LRRTM4: variants seen among roughly 807,000 people sequenced by gnomAD.
LRRTM4 encodes the protein leucine-rich repeat transmembrane neuronal protein 4.
In LRRTM4, 25 loss-of-function variants were observed where a neutral mutation model predicts 47.6. That is an observed-to-expected ratio of 0.53 (90% confidence interval 0.38 to 0.73). LRRTM4 has a LOEUF of 0.73. Among genes scored for constraint, LRRTM4 ranks in the 30% least tolerant of loss-of-function variants. The pLI, the probability that LRRTM4 is intolerant of heterozygous loss-of-function variation, is 0.00. For synonymous variants in LRRTM4, 311 were observed against 269.5 expected (o/e 1.15, Z -1.51); for missense variants, 638 against 713.4 (o/e 0.89, Z 1.20).
chr2:76,930,100 G>C (rs1222856632), intron 3 of LRRTM4, among the ~76,000 whole-genome samples: 1 of 152,046 alleles, frequency 6.6e-6, no homozygotes, highest in Non-Finnish European at 1.5e-5. Flanking sequence ...CAGGCTCTGT[G>C]TACTAATGGT....
chr2:77,443,021 T>C (rs1310908569), intron 3 of LRRTM4, among the ~76,000 whole-genome samples: 1 of 152,120 alleles, frequency 6.6e-6, no homozygotes, highest in Non-Finnish European at 1.5e-5. Context: ...TTACTAATAA[T>C]ATTATTACAG....
chr2:77,486,223 TA>T (rs1215165239), intron 3 of LRRTM4, among the ~76,000 whole-genome samples: 1 of 152,170 alleles, frequency 6.6e-6, no homozygotes, highest in African/African-American at 2.4e-5. Context: ...CAGAAGTAAA[TA>T]GGGGTGGCAG....
At chr2:77,006,551 G>A (rs1479935345) in intron 3 of LRRTM4, among the ~76,000 whole-genome samples, 1 of 152,134 alleles carries the variant, frequency 6.6e-6, no homozygotes, top group Non-Finnish European at 1.5e-5. Flanking sequence ...AGCATTCTGA[G>A]GTATAGAGGG....
At chr2:77,203,951 G>A (rs867038932) in intron 3 of LRRTM4, among the ~76,000 whole-genome samples, 2 of 152,114 alleles carry the variant, frequency 1.3e-5, no homozygotes, top group Admixed American at 1.3e-4. Context: ...AGAGTAAGTC[G>A]CTATAGCAAT....
intron 3 of LRRTM4, among the ~76,000 whole-genome samples, chr2:76,907,079 C>T (rs1485389845): frequency 8.6e-5 from 13 of 151,766 alleles, no homozygotes; most frequent in Non-Finnish European, 1.6e-4. Flanking sequence ...CCAAAATTAA[C>T]CACATAGTTG....
intron 3 of LRRTM4, among the ~76,000 whole-genome samples, chr2:76,890,718 A>G (rs540538462): frequency 1.3e-5 from 2 of 152,120 alleles, no homozygotes; most frequent in South Asian, 2.1e-4. Flanking sequence ...TCAACAAAAA[A>G]TAACGAACAT....
intron 3 of LRRTM4, among the ~76,000 whole-genome samples, chr2:77,276,318 G>A (rs568644279): frequency 3.0e-5 from 4 of 131,152 alleles, no homozygotes; most frequent in East Asian, 4.9e-4. Flanking sequence ...GAAAGGAAGA[G>A]AAGAAGGAAG....
chr2:76,994,115 G>A (rs1218367066), intron 3 of LRRTM4, among the ~76,000 whole-genome samples: 2 of 151,668 alleles, frequency 1.3e-5, no homozygotes, highest in East Asian at 3.9e-4. Context: ...ACAATTAGAG[G>A]TGGAATGAGG....
Position 76,772,309 on chromosome 2 carries a change from G to A in LRRTM4, c.1552-23393C>T, listed in dbSNP as rs548601289. ...TGAACTTCCCAGGCTCCAGAAATGT[G>A]AGAAATAATTTTTTTTAATTAAAGC... is the stretch of plus-strand genomic sequence containing the variant. On this transcript the variant is annotated intron_variant, in intron 3 of 3. Transcript: ENST00000409884. Among the ~76,000 whole-genome samples the A allele has an allele frequency of 1.8e-4, 27 of 152,226 alleles. No homozygotes were observed. In the East Asian group the frequency reaches 4.8e-3, roughly 27 times the overall value.
intron 3 of LRRTM4, among the ~76,000 whole-genome samples, chr2:77,218,705 A>G (rs1674530104): frequency 6.6e-6 from 1 of 152,132 alleles, no homozygotes; most frequent in African/African-American, 2.4e-5. Context: ...CTCCTAACAT[A>G]GTCTTGAGGT....
In LRRTM4 at chr2:77,084,396, T is replaced by C. The variant is rs533734549; in HGVS notation, c.1552-335480A>G. 4.1e-4 allele frequency among the ~76,000 whole-genome samples: 62 copies of C among 152,322 alleles called. No individual in the cohort carries two copies. In the South Asian group the frequency reaches 0.012, roughly 30 times the overall value. On this transcript the variant is annotated intron_variant, in intron 3 of 3. Transcript: ENST00000409884. ...GAGGACTTTGTGAACAGAGATTTTA[T>C]AGCGGCCTTCAGAATTTTATTTCAG...
intron 3 of LRRTM4, among the ~76,000 whole-genome samples, chr2:76,800,246 A>G (rs1456445666): frequency 6.7e-6 from 1 of 149,114 alleles, no homozygotes; most frequent in African/African-American, 2.5e-5. Flanking sequence ...TACTGGTACC[A>G]AAACAGAGAT....
intron 3 of LRRTM4, among the ~76,000 whole-genome samples, chr2:77,144,350 C>T (rs147945826): frequency 5.3e-5 from 8 of 151,950 alleles, no homozygotes; most frequent in East Asian, 1.9e-4. Flanking sequence ...TTTTCTTGAA[C>T]GGAAACCTGG....
At chr2:77,414,285 G>A (rs577728575) in intron 3 of LRRTM4, among the ~76,000 whole-genome samples, 5 of 152,068 alleles carry the variant, frequency 3.3e-5, no homozygotes, top group Non-Finnish European at 7.4e-5. Flanking sequence ...ACAAAGATGA[G>A]TAAGCCAAAT....
At chr2:77,024,589 GAAAACCACAAGT>G (rs1678387673) in intron 3 of LRRTM4, among the ~76,000 whole-genome samples, 1 of 151,256 alleles carries the variant, frequency 6.6e-6, no homozygotes, top group Non-Finnish European at 1.5e-5. Context: ...TAATGAATTG[GAAAACCACAAGT>G]AAGCCTTATA....
chr2:77,433,642 AC>A (rs1206043110), intron 3 of LRRTM4, among the ~76,000 whole-genome samples: 1 of 152,180 alleles, frequency 6.6e-6, no homozygotes, highest in Non-Finnish European at 1.5e-5. Flanking sequence ...TTGCCATAAG[AC>A]CTTAGGCCAT....
chr2:76,754,762 G>C (rs1672969358), intron 3 of LRRTM4, among the ~76,000 whole-genome samples: 1 of 152,170 alleles, frequency 6.6e-6, no homozygotes, highest in Admixed American at 6.5e-5. Context: ...CACAGTGACA[G>C]TGACATTATG....
chr2:77,118,792 CA>C (rs1194619006), intron 3 of LRRTM4, among the ~76,000 whole-genome samples: 1 of 151,564 alleles, frequency 6.6e-6, no homozygotes, highest in Non-Finnish European at 1.5e-5. Flanking sequence ...TTTCACCTTT[CA>C]AAAAATAGGA....
chr2:77,388,221 A>G (rs551775659), intron 3 of LRRTM4, among the ~76,000 whole-genome samples: 2 of 152,266 alleles, frequency 1.3e-5, no homozygotes, highest in East Asian at 3.9e-4. Flanking sequence ...CTACGTGTGG[A>G]GAAGTGAACA....
Sources: gnomAD v4.1 joint callset for allele counts (sites outside exome capture counted in the v4.1 genomes callset) on GRCh38, gnomAD v4.1.1 for gene constraint, MANE v1.5 for transcripts, NCBI Gene and HGNC (gene_info 2026-07-23, HGNC 2026-07-21) for gene names.